Variants in DPP6 observed in about 807,000 individuals in gnomAD.
DPP6 encodes A-type potassium channel modulatory protein DPP6.
A neutral mutation model predicts 122.6 loss-of-function variants in DPP6; 69 were observed. The ratio of observed to expected loss-of-function variants is 0.56; its 90% CI spans 0.46 to 0.69. The LOEUF is 0.69. Among genes scored for constraint, DPP6 ranks in the 30% least tolerant of loss-of-function variants. DPP6 has a pLI of 0.00. For synonymous variants in DPP6, 418 were observed against 433.1 expected (o/e 0.97, Z 0.43); for missense variants, 928 against 1,116.9 (o/e 0.83, Z 2.41).
At chr7:154,421,911 A>T (rs1392883519) in intron 1 of DPP6, among the ~76,000 whole-genome samples, 2 of 152,238 alleles carry the variant, frequency 1.3e-5, no homozygotes, top group East Asian at 3.8e-4. Context: ...ATTGAAAAGC[A>T]TCAGTCAGAG....
intron 3 of DPP6, among the ~76,000 whole-genome samples, chr7:154,484,004 T>C (rs1282028050): frequency 2.0e-5 from 3 of 152,190 alleles, no homozygotes; most frequent in Non-Finnish European, 4.4e-5. Flanking sequence ...AGGTTAAATT[T>C]TATTTATGTT....
At chr7:154,772,616 G>A (rs1213938104) in intron 9 of DPP6, among the ~76,000 whole-genome samples, 2 of 152,176 alleles carry the variant, frequency 1.3e-5, no homozygotes, top group African/African-American at 4.8e-5. Flanking sequence ...TGGGTGGAAT[G>A]GGAAGCGGAT....
At chr7:154,214,359 G>A (rs532229699) in intron 1 of DPP6, among the ~76,000 whole-genome samples, 2 of 152,318 alleles carry the variant, frequency 1.3e-5, no homozygotes, top group African/African-American at 4.8e-5. Flanking sequence ...TGTGCTCATG[G>A]GTTCTCATGA....
intron 1 of DPP6, among the ~76,000 whole-genome samples, chr7:154,417,650 T>C (rs2151219818): frequency 6.6e-6 from 1 of 152,272 alleles, no homozygotes; most frequent in East Asian, 1.9e-4. Context: ...CTCTCTCAAG[T>C]CGGACAGTTC....
chr7:154,297,955 T>G (rs1805651443), intron 1 of DPP6, among the ~76,000 whole-genome samples: 1 of 152,226 alleles, frequency 6.6e-6, no homozygotes, highest in Non-Finnish European at 1.5e-5. Context: ...GGTACCCAGC[T>G]TCTTCTCAAA....
At chr7:153,775,919 A>AAC in the DPP6 span, among the ~76,000 whole-genome samples, 1 of 152,166 alleles carries the variant, frequency 6.6e-6, no homozygotes, top group South Asian at 2.1e-4. Context: ...AGAAATTTTT[A>AAC]AAAAAGCTAA....
the DPP6 span, among the ~76,000 whole-genome samples, chr7:153,811,983 G>A: frequency 6.6e-6 from 1 of 152,180 alleles, no homozygotes; most frequent in Non-Finnish European, 1.5e-5. Context: ...AAAGTCAAGT[G>A]TAACAGGATG....
intron 3 of DPP6, among the ~76,000 whole-genome samples, chr7:154,497,470 G>A (rs1236520406): frequency 6.6e-6 from 1 of 152,062 alleles, no homozygotes; most frequent in Non-Finnish European, 1.5e-5. Context: ...TTAGCAGGAT[G>A]TGGTGGCGGG....
intron 1 of DPP6, among the ~76,000 whole-genome samples, chr7:154,310,770 A>C (rs545686567): frequency 3.9e-5 from 6 of 152,152 alleles, no homozygotes; most frequent in Admixed American, 6.5e-5. Flanking sequence ...ACTTAGAGGA[A>C]TGAACAGCGT....
At chr7:153,825,088 C>G in the DPP6 span, among the ~76,000 whole-genome samples, 3 of 152,104 alleles carry the variant, frequency 2.0e-5, no homozygotes, top group Non-Finnish European at 4.4e-5. Flanking sequence ...TTGTGACACC[C>G]CATCTGTTTC....
chr7:154,406,410 G>A (rs527506318), intron 1 of DPP6, among the ~76,000 whole-genome samples: 7 of 139,554 alleles, frequency 5.0e-5, no homozygotes, highest in East Asian at 4.4e-4. Context: ...AGGAGTAGCC[G>A]GGGGATGCAC....
upstream of DPP6, among the ~76,000 whole-genome samples, chr7:154,049,173 A>T (rs566306651): frequency 2.7e-5 from 4 of 149,802 alleles, no homozygotes; most frequent in East Asian, 1.9e-4. Flanking sequence ...TCATCGCCAC[A>T]GTGTACTTCA....
chr7:154,015,447 T>A, intron 1 of DPP6, among the ~76,000 whole-genome samples: 1 of 152,136 alleles, frequency 6.6e-6, no homozygotes, highest in East Asian at 1.9e-4. Flanking sequence ...GTAAGTGAAC[T>A]GCAAACTCAG....
intron 7 of DPP6, among the ~76,000 whole-genome samples, chr7:154,727,315 G>T (rs962509525): frequency 7.9e-5 from 12 of 152,088 alleles, no homozygotes; most frequent in African/African-American, 2.9e-4. Flanking sequence ...ACAGGGGGAG[G>T]GCTACACACT....
At chr7:153,820,692 A>C in the DPP6 span, among the ~76,000 whole-genome samples, 11 of 152,188 alleles carry the variant, frequency 7.2e-5, no homozygotes, top group Non-Finnish European at 1.2e-4. Context: ...CAGCCGAAAA[A>C]AGAAAATCAG....
At chr7:154,535,087 C>CAA (rs34703649) in intron 3 of DPP6, among the ~76,000 whole-genome samples, 2,622 of 149,900 alleles carry the variant, frequency 0.017, 26 homozygotes, top group South Asian at 0.027. Flanking sequence ...TCATTTTTGA[C>CAA]AAAAAAAAAT....
chr7:154,623,632 C>G (rs893424290), intron 5 of DPP6, among the ~76,000 whole-genome samples: 23 of 147,704 alleles, frequency 1.6e-4, no homozygotes, highest in Non-Finnish European at 2.2e-4. Context: ...CGCACACATG[C>G]GTGCACACAC....
chr7:154,669,626 T>C (rs565077306), intron 7 of DPP6, among the ~76,000 whole-genome samples, 185 bp downstream of exon 7: 395 of 152,296 alleles, frequency 2.6e-3, no homozygotes, highest in African/African-American at 9.1e-3. Flanking sequence ...GTCATTTCTT[T>C]TTAGATAGCA....
chr7:154,172,309 C>T (rs540192135), intron 1 of DPP6, among the ~76,000 whole-genome samples: 8 of 151,984 alleles, frequency 5.3e-5, no homozygotes, highest in South Asian at 2.1e-4. Context: ...TATCAAGGAG[C>T]GATAAGAGCC....
Sources: allele counts gnomAD v4.1 joint callset (sites outside exome capture counted in the v4.1 genomes callset), GRCh38; gene constraint gnomAD v4.1.1; transcripts MANE v1.5; gene names NCBI Gene and HGNC (gene_info 2026-07-23, HGNC 2026-07-21).